Variants in LRP1B observed in about 807,000 individuals in gnomAD.
LRP1B encodes LDL receptor related protein 1B.
LRP1B carries 217 observed loss-of-function variants against 556.6 expected under a neutral mutation model. That is an observed-to-expected ratio of 0.39 (90% confidence interval 0.35 to 0.44). LRP1B has a LOEUF of 0.44. Ranked by LOEUF, LRP1B falls within the 20% of genes least tolerant of loss-of-function variation. The probability of loss-of-function intolerance (pLI) is 1.00; values close to 1 mark genes in which losing one functional copy is unlikely to be tolerated. For missense variants in LRP1B, 5,053 were observed against 5,620.8 expected (o/e 0.90, Z 3.23); for synonymous variants, 2,047 against 1,865.8 (o/e 1.10, Z -2.50).
intron 2 of LRP1B, among the ~76,000 whole-genome samples, chr2:141,564,394 T>C (rs571694102): frequency 6.6e-6 from 1 of 152,204 alleles, no homozygotes; most frequent in East Asian, 1.9e-4. Context: ...AGTAAGCACG[T>C]TGAAGGACTG....
chr2:140,364,763 C>T lies in LRP1B; in HGVS notation c.11029G>A (p.Asp3677Asn), dbSNP rs2105151887. ...AGAGAATTATTGCAAAGGAACTCAT[C>T]AGCTCTACATATATTTCCTCCTTTA... Reference protein sequence around the residue: ...CERGGNICRADEFLCNNSLCK... With the variant: ...CERGGNICRANEFLCNNSLCK... The change falls in exon 72 of 91, where the codon GAT (aspartate) becomes AAT (asparagine). Residue 3677 changes from aspartate to asparagine, a missense_variant. This residue lies in a region of LRP1B where 599 missense variants were observed against 648.4 expected (regional missense o/e 0.92). Transcript: ENST00000389484. The T allele has an allele frequency of 6.2e-7, 1 of 1,609,930 alleles. No individual in the cohort carries two copies.
At chr2:141,018,418 T>G (rs943596848) in intron 12 of LRP1B, among the ~76,000 whole-genome samples, 7 of 152,134 alleles carry the variant, frequency 4.6e-5, no homozygotes, top group African/African-American at 1.7e-4. Flanking sequence ...AATATTCTAT[T>G]AATCAGAATT....
chr2:140,341,153 A>T (rs76923480), intron 77 of LRP1B, among the ~76,000 whole-genome samples: 148 of 151,746 alleles, frequency 9.8e-4, no homozygotes, highest in African/African-American at 3.5e-3. Flanking sequence ...TTGTGTTCTT[A>T]TATCTCAGTG....
intron 43 of LRP1B, among the ~76,000 whole-genome samples, chr2:140,598,140 G>T (rs970228112): frequency 2.6e-5 from 4 of 152,106 alleles, no homozygotes; most frequent in Non-Finnish European, 5.9e-5. Context: ...ATTTCATTTT[G>T]AACCCAGAGA....
At chr2:141,458,711 T>G (rs1269804714) in intron 3 of LRP1B, among the ~76,000 whole-genome samples, 2 of 152,110 alleles carry the variant, frequency 1.3e-5, no homozygotes, top group African/African-American at 4.8e-5. Context: ...TATGACTCAC[T>G]TATAGACCAA....
At chr2:142,103,794 C>T (rs62155593) in intron 1 of LRP1B, among the ~76,000 whole-genome samples, 2,575 of 151,674 alleles carry the variant, frequency 0.017, 37 homozygotes, top group South Asian at 0.033. Context: ...GGACAATATG[C>T]TAAATAAATG....
At chr2:140,563,805 T>C (rs1558970459) in intron 43 of LRP1B, among the ~76,000 whole-genome samples, 1 of 152,192 alleles carries the variant, frequency 6.6e-6, no homozygotes, top group Non-Finnish European at 1.5e-5. Context: ...AGGCCAAATG[T>C]CTTTTAAATG....
chr2:140,911,200 TTAGC>T (rs1390775942), intron 21 of LRP1B, among the ~76,000 whole-genome samples: 1 of 151,758 alleles, frequency 6.6e-6, no homozygotes, highest in Non-Finnish European at 1.5e-5. Context: ...TGAAAGGGAG[TTAGC>T]TATTTATAAA....
intron 60 of LRP1B, among the ~76,000 whole-genome samples, chr2:140,470,204 A>T (rs1002363239): frequency 1.3e-5 from 2 of 152,232 alleles, no homozygotes; most frequent in African/African-American, 4.8e-5. Context: ...ATATGTTAAT[A>T]ATCTTTATGA....
intron 35 of LRP1B, among the ~76,000 whole-genome samples, chr2:140,756,281 C>G (rs139095962): frequency 6.6e-6 from 1 of 152,004 alleles, no homozygotes; most frequent in African/African-American, 2.4e-5. Context: ...AGCTTCCTCA[C>G]AATCTCTCTC....
chr2:141,280,321 G>C (rs1336068884), intron 3 of LRP1B, among the ~76,000 whole-genome samples: 1 of 152,002 alleles, frequency 6.6e-6, no homozygotes, highest in East Asian at 1.9e-4. Flanking sequence ...GACACAAGGT[G>C]AAAATTGATA....
chr2:141,820,527 A>G (rs1021989158), intron 1 of LRP1B, among the ~76,000 whole-genome samples: 2 of 152,206 alleles, frequency 1.3e-5, no homozygotes, highest in Non-Finnish European at 2.9e-5. Flanking sequence ...ACCCATCCTG[A>G]AAAAATCAGC....
chr2:141,069,967 C>A (rs1553455291), intron 7 of LRP1B, among the ~76,000 whole-genome samples: 1 of 130,302 alleles, frequency 7.7e-6, no homozygotes, highest in Non-Finnish European at 1.6e-5. Flanking sequence ...CCCCACCCCA[C>A]AACAGTCCCC....
chr2:140,833,487 C>T (rs1193025996), intron 31 of LRP1B, among the ~76,000 whole-genome samples: 1 of 152,156 alleles, frequency 6.6e-6, no homozygotes, highest in African/African-American at 2.4e-5. Flanking sequence ...ATGTATGCCT[C>T]ACATTTATTT....
intron 1 of LRP1B, among the ~76,000 whole-genome samples, chr2:142,049,623 C>T (rs1239298287): frequency 1.3e-5 from 2 of 152,062 alleles, no homozygotes; most frequent in Non-Finnish European, 2.9e-5. Context: ...AATTATAATG[C>T]CTCACGATTC....
At chr2:141,797,165 AT>A (rs1695846084) in intron 2 of LRP1B, among the ~76,000 whole-genome samples, 2 of 87,298 alleles carry the variant, frequency 2.3e-5, no homozygotes, top group Non-Finnish European at 5.2e-5. Context: ...ATATATATAT[AT>A]ATATATATAT....
At chr2:140,675,613 T>G (rs560549979) in intron 41 of LRP1B, among the ~76,000 whole-genome samples, 4,319 of 152,116 alleles carry the variant, frequency 0.028, 94 homozygotes, top group South Asian at 0.046. Context: ...TCTACAAAAG[T>G]TAAAAAAACA....
chr2:140,955,588 T>C (rs753528398), intron 18 of LRP1B, among the ~76,000 whole-genome samples: 1 of 151,860 alleles, frequency 6.6e-6, no homozygotes, highest in Non-Finnish European at 1.5e-5. Flanking sequence ...TTAAACCTCA[T>C]AGAATATTTA....
intron 2 of LRP1B, among the ~76,000 whole-genome samples, chr2:141,778,071 A>G (rs1695135525): frequency 6.6e-6 from 1 of 152,190 alleles, no homozygotes; most frequent in Admixed American, 6.5e-5. Flanking sequence ...AAGTGAGATC[A>G]TTTTGGAAAA....
Sources: gnomAD v4.1 joint callset for allele counts (sites outside exome capture counted in the v4.1 genomes callset) on GRCh38, gnomAD v4.1.1 for gene constraint, gnomAD v4.1.1 regional missense constraint, MANE v1.5 for transcripts, NCBI Gene and HGNC (gene_info 2026-07-23, HGNC 2026-07-21) for gene names.